Variants in ADAM23 observed in about 807,000 individuals in gnomAD.
The protein encoded by ADAM23 is disintegrin and metalloproteinase domain-containing protein 23.
Under a neutral mutation model 120.1 loss-of-function variants are expected in ADAM23, and 33 were observed. The ratio of observed to expected loss-of-function variants is 0.27; its 90% confidence interval spans 0.21 to 0.37. The LOEUF (loss-of-function observed/expected upper bound fraction) is 0.37, where lower values mean the gene tolerates loss of function less well. Among genes scored for constraint, ADAM23 ranks in the 10% least tolerant of loss-of-function variants. The pLI is 1.00. For synonymous variants in ADAM23, 367 were observed against 375.2 expected, an observed-to-expected ratio of 0.98 and a Z score of 0.25; for missense variants, 862 against 1,058.2, an observed-to-expected ratio of 0.81 and a Z score of 2.57.
chr2:206,537,212 G>A (rs1697194752), intron 4 of ADAM23, among the ~76,000 whole-genome samples: 1 of 151,956 alleles, frequency 6.6e-6, no homozygotes, highest in African/African-American at 2.4e-5. Context: ...CACCCTTTTA[G>A]AATGTTCTTT....
At position 206,560,307 on chromosome 2, in the gene ADAM23, A is replaced by G. The variant is rs192603010; in HGVS notation, c.1169+189A>G. The stretch of plus-strand genomic sequence containing the variant: ...CTGGGATGCTGATGGTTCTGTAGTC[A>G]CAATATCTACCTTTAGAGCCCATAA... On this transcript the variant is annotated intron_variant, in intron 11 of 25. Transcript: ENST00000264377. Among the ~76,000 whole-genome samples the G allele has an allele frequency of 2.8e-4, 43 of 151,998 alleles. No individual in the cohort carries two copies. In the East Asian group the frequency reaches 5.0e-3, roughly 18 times the overall value.
rs563433013 is a variant in ADAM23 at position 206,489,214 on chromosome 2, G to A, written c.509+7906G>A. 7.9e-5 allele frequency among the ~76,000 whole-genome samples: 12 copies of A among 152,260 alleles called. No homozygotes were observed. The South Asian group carries it at 1.9e-3, about 24-fold the overall frequency. ...CTGAGCTGTGGTGTTGCTGTCTTAC[G>A]TCTTGGTTTCTAAATTTTTGTGATT... On this transcript the variant is annotated intron_variant, in intron 3 of 25. Coordinates refer to ENST00000264377, the MANE Select transcript of ADAM23 (RefSeq NM_003812.4).
chr2:206,582,170 G>A (rs570966478), intron 18 of ADAM23, among the ~76,000 whole-genome samples: 2 of 152,174 alleles, frequency 1.3e-5, no homozygotes, highest in Admixed American at 6.5e-5. Context: ...GAGCCACCAC[G>A]CCCGGCCAAC....
In ADAM23 at chr2:206,547,409, C is replaced by T. The variant is rs952115634; in HGVS notation, c.721-20C>T. On this transcript the variant is annotated intron_variant, in intron 6 of 25. Transcript: ENST00000264377. ...GTTCACATCTTGCTTTCTAAATTGC[C>T]TACAATTGTTTTGTTTCAGAAAAGC... 12 of 1,602,736 alleles carry T rather than the reference C, an allele frequency of 7.5e-6. No homozygotes were observed. The highest frequency in any genetic ancestry group is 1.3e-5 in the African/African-American group (1 of 74,404).
intron 24 of ADAM23, among the ~76,000 whole-genome samples, chr2:206,604,229 G>C (rs1698691146): frequency 6.6e-6 from 1 of 151,920 alleles, no homozygotes; most frequent in Non-Finnish European, 1.5e-5. Flanking sequence ...TCATGCCACT[G>C]CACTCCAGCC....
At chr2:206,578,656 G>C (rs188605160) in intron 18 of ADAM23, among the ~76,000 whole-genome samples, 692 of 152,196 alleles carry the variant, frequency 4.5e-3, no homozygotes, top group Middle Eastern at 0.02. Flanking sequence ...ATGGTCATTT[G>C]GGGTGGTTCC....
intron 24 of ADAM23, among the ~76,000 whole-genome samples, chr2:206,598,268 C>A (rs917204755): frequency 2.0e-5 from 3 of 152,166 alleles, no homozygotes; most frequent in African/African-American, 7.2e-5. Context: ...GATGCCTCAA[C>A]GGATGAGCAG....
intron 24 of ADAM23, among the ~76,000 whole-genome samples, chr2:206,601,498 C>T (rs952073567): frequency 6.6e-6 from 1 of 152,132 alleles, no homozygotes; most frequent in Non-Finnish European, 1.5e-5. Flanking sequence ...TGAGGCTAGG[C>T]ACAGTGGCTC....
chr2:206,490,790 A>G (rs1306357087), intron 3 of ADAM23, among the ~76,000 whole-genome samples: 1 of 152,088 alleles, frequency 6.6e-6, no homozygotes, highest in Non-Finnish European at 1.5e-5. Flanking sequence ...ATTTTCTCTG[A>G]TCAGGGTGAT....
chr2:206,443,909 G>T lies in ADAM23; in HGVS notation c.43G>T (p.Gly15Cys). Residue 15 changes from glycine (G) to cysteine (C), a missense_variant, in exon 1 of 26, where the codon GGC becomes TGC. Gly to Cys is a radical substitution (Grantham distance 159). Coordinates refer to ENST00000264377, the MANE Select transcript of ADAM23 (RefSeq NM_003812.4). ...CAGCTCGCGGCAGCCGCCCCTGGCG[G>T]GCTGCAGCCTTGCCGGCGCTTCCTG... ...GSSSRQPPLAGCSLAGASCGP... is the reference protein window; with the variant it reads ...GSSSRQPPLACCSLAGASCGP... 8.3e-7 allele frequency: 1 copy of T among 1,204,670 alleles called. No individual in the cohort carries two copies. The highest frequency in any genetic ancestry group is 1.0e-6 in the Non-Finnish European group (1 of 973,388). The allele number at this position is 1,204,670 out of a possible 1,614,324, so 74.6% of individuals were successfully genotyped here.
chr2:206,524,166 A>G (rs1397546743), intron 3 of ADAM23, among the ~76,000 whole-genome samples: 2 of 152,150 alleles, frequency 1.3e-5, no homozygotes, highest in Non-Finnish European at 1.5e-5. Context: ...CCTTTTCTAG[A>G]TATCATTTAA....
intron 1 of ADAM23, 80 bp from the exon 2 acceptor site, chr2:206,445,227 C>T: frequency 1.0e-6 from 1 of 1,004,346 alleles, no homozygotes. Context: ...CATTTTAGTG[C>T]TTATGTATTT....
intron 25 of ADAM23, among the ~76,000 whole-genome samples, chr2:206,613,326 T>C (rs1304731074): frequency 6.6e-6 from 1 of 152,188 alleles, no homozygotes; most frequent in Non-Finnish European, 1.5e-5. Context: ...CCCAAAGTGT[T>C]GGGATTACAG....
Position 206,545,269 on chromosome 2 carries a change from C to G in ADAM23, c.720+1953C>G, listed in dbSNP as rs893587528. On this transcript the variant is annotated intron_variant, in intron 6 of 25. Transcript: ENST00000264377. ...TTGGGAGGCTGAGGTGCGCAGATCA[C>G]GAGGTCAGGAGTTTGAGACCAGCCC... Among the ~76,000 whole-genome samples the G allele has an allele frequency of 2.6e-5, 4 of 152,066 alleles. No individual in the cohort carries two copies. In the South Asian group the frequency reaches 8.3e-4, roughly 31 times the overall value.
At chr2:206,570,608 T>C in intron 15 of ADAM23, 132 bp from the exon 16 acceptor site, 1 of 648,224 alleles carries the variant, frequency 1.5e-6, no homozygotes, top group South Asian at 1.8e-5. Flanking sequence ...ATTTATAAGA[T>C]GCCACAACAA....
intron 2 of ADAM23, among the ~76,000 whole-genome samples, chr2:206,472,787 G>A (rs550215508): frequency 7.9e-5 from 12 of 152,114 alleles, no homozygotes; most frequent in Non-Finnish European, 1.8e-4. Context: ...TGTACCATCA[G>A]ATCGCATAAT....
chr2:206,565,571 C>CCTCA (rs1697860591), intron 14 of ADAM23, among the ~76,000 whole-genome samples: 2 of 152,054 alleles, frequency 1.3e-5, no homozygotes, highest in South Asian at 4.2e-4. Context: ...TTGAACATTC[C>CCTCA]CTCACTTTTC....
rs144744641 is a variant in ADAM23 at position 206,589,135 on chromosome 2, A to G, written c.1853-274A>G. Among the ~76,000 whole-genome samples, 88 of 152,356 alleles carry G rather than the reference A, an allele frequency of 5.8e-4. 1 individual carries two copies. In the East Asian group the frequency reaches 0.015, roughly 26 times the overall value. ...AGGATTGGAGAGAAATTTATTTCTC[A>G]GGCTAAAAACAGTGTTGTTTTGGAG... is the stretch of plus-strand genomic sequence containing the variant. On this transcript the variant is annotated intron_variant, in intron 20 of 25. Transcript: ENST00000264377.
At chr2:206,574,402 CTTTT>C (rs79570605) in intron 18 of ADAM23, among the ~76,000 whole-genome samples, 1 of 128,678 alleles carries the variant, frequency 7.8e-6, no homozygotes, top group African/African-American at 2.8e-5. Flanking sequence ...GTGTGGTTTT[CTTTT>C]TTTTTTTTTT....
Sources: allele counts gnomAD v4.1 joint callset (sites outside exome capture counted in the v4.1 genomes callset), GRCh38; gene constraint gnomAD v4.1.1; transcripts MANE v1.5; gene names NCBI Gene and HGNC (gene_info 2026-07-23, HGNC 2026-07-21).